The following ALK variants were observed in gnomAD, a reference collection of about 807,000 sequenced individuals.
ALK encodes ALK receptor tyrosine kinase.
Under a neutral mutation model 163.1 loss-of-function variants are expected in ALK, and 74 were observed. That is an observed-to-expected ratio of 0.45 (90% CI 0.38 to 0.55). ALK has a LOEUF of 0.55. Among genes scored for constraint, ALK ranks in the 20% least tolerant of loss-of-function variants. The pLI is 0.00. For missense variants in ALK, 2,063 were observed against 2,105.3 expected (o/e 0.98, Z 0.39); for synonymous variants, 960 against 843.2 (o/e 1.14, Z -2.40).
At chr2:29,873,833 G>A (rs1666637082) in intron 1 of ALK, among the ~76,000 whole-genome samples, 1 of 151,604 alleles carries the variant, frequency 6.6e-6, no homozygotes, top group Non-Finnish European at 1.5e-5. Flanking sequence ...TGACTGGGTA[G>A]CAATAACCGC....
intron 1 of ALK, among the ~76,000 whole-genome samples, chr2:29,900,997 GCA>G (rs1364827853): frequency 1.6e-4 from 20 of 121,526 alleles, no homozygotes; most frequent in Non-Finnish European, 2.6e-4. Context: ...GAGAGAGAGA[GCA>G]AGCAAGCAAG....
At chr2:29,851,681 C>A (rs1406036674) in intron 1 of ALK, among the ~76,000 whole-genome samples, 12 of 152,186 alleles carry the variant, frequency 7.9e-5, no homozygotes, top group Admixed American at 7.9e-4. Context: ...CTTTAAGGAC[C>A]ACTGTCTAGA....
chr2:29,396,407 G>A (rs1669304208), intron 4 of ALK, among the ~76,000 whole-genome samples: 1 of 152,172 alleles, frequency 6.6e-6, no homozygotes, highest in Non-Finnish European at 1.5e-5. Flanking sequence ...CGGGTGCAGT[G>A]GCTCATGCCT....
intron 14 of ALK, among the ~76,000 whole-genome samples, 171 bp from the exon 15 acceptor site, chr2:29,232,619 A>T (rs1664247085): frequency 6.6e-6 from 1 of 152,240 alleles, no homozygotes; most frequent in Non-Finnish European, 1.5e-5. Flanking sequence ...ACAATAGCCC[A>T]TCGGCTCCGC....
intron 1 of ALK, among the ~76,000 whole-genome samples, chr2:29,834,054 T>A (rs968358004): frequency 6.6e-6 from 1 of 152,182 alleles, no homozygotes; most frequent in African/African-American, 2.4e-5. Context: ...CGAAAGCACT[T>A]TGTAAACTGC....
Position 29,610,025 on chromosome 2 carries a change from C to T in ALK, c.953-77909G>A, listed in dbSNP as rs1029588009. ...TCCACACATTGGCCCTGGTTTTGTC[C>T]TTGACACCTATTTTGAGTAAATCTC... On this transcript the variant is annotated intron_variant, in intron 3 of 28. Transcript: ENST00000389048. 2.6e-5 allele frequency among the ~76,000 whole-genome samples: 4 copies of T among 152,174 alleles called. No individual in the cohort carries two copies. The South Asian group carries it at 6.2e-4, about 24-fold the overall frequency.
chr2:29,295,239 T>C (rs1666140411), intron 9 of ALK, among the ~76,000 whole-genome samples: 1 of 152,152 alleles, frequency 6.6e-6, no homozygotes, highest in Non-Finnish European at 1.5e-5. Flanking sequence ...CTCCTTCAAA[T>C]GAAACTCTAG....
At chr2:29,675,853 T>C (rs556344899) in intron 3 of ALK, among the ~76,000 whole-genome samples, 37 of 152,144 alleles carry the variant, frequency 2.4e-4, no homozygotes, top group African/African-American at 8.7e-4. Context: ...GTTTAATTCT[T>C]ATTAAATCCC....
intron 1 of ALK, among the ~76,000 whole-genome samples, chr2:29,738,537 A>G (rs1296808942): frequency 6.6e-6 from 1 of 152,110 alleles, no homozygotes; most frequent in East Asian, 1.9e-4. Flanking sequence ...ATCTCTGGTC[A>G]TATTTAGAGA....
At chr2:29,888,507 G>A (rs1224029240) in intron 1 of ALK, among the ~76,000 whole-genome samples, 1 of 152,136 alleles carries the variant, frequency 6.6e-6, no homozygotes, top group Admixed American at 6.5e-5. Context: ...ATTTTGCCCT[G>A]TGTAGAATTT....
intron 3 of ALK, among the ~76,000 whole-genome samples, chr2:29,568,985 A>G (rs578063969): frequency 6.6e-6 from 1 of 151,866 alleles, no homozygotes. Flanking sequence ...AGGGCGGGGG[A>G]TGAGTCTTTC....
intron 1 of ALK, among the ~76,000 whole-genome samples, chr2:29,819,268 T>C (rs570217818): frequency 8.1e-4 from 123 of 152,366 alleles, no homozygotes; most frequent in African/African-American, 2.9e-3. Context: ...TCCAGGGCTA[T>C]GTGTAAAGCA....
At chr2:29,539,055 C>CG (rs398104146) in intron 3 of ALK, among the ~76,000 whole-genome samples, 69 of 151,648 alleles carry the variant, frequency 4.6e-4, no homozygotes, top group African/African-American at 1.6e-3. Flanking sequence ...CCACACCCCC[C>CG]TCCCAAATCA....
intron 4 of ALK, among the ~76,000 whole-genome samples, chr2:29,442,367 A>G (rs1393259901): frequency 1.3e-5 from 2 of 152,136 alleles, no homozygotes; most frequent in Non-Finnish European, 2.9e-5. Context: ...AAGTTTGCCT[A>G]TAAACATGGA....
intron 1 of ALK, among the ~76,000 whole-genome samples, chr2:29,869,135 C>T (rs1464842209): frequency 6.6e-6 from 1 of 152,134 alleles, no homozygotes; most frequent in African/African-American, 2.4e-5. Context: ...TCACTGTACC[C>T]TTTTCAAATT....
At chr2:29,203,485 C>CTTTTTTTTTTTTTTT in intron 26 of ALK, among the ~76,000 whole-genome samples, 500 of 32,550 alleles carry the variant, frequency 0.015, 225 homozygotes, top group Middle Eastern at 0.091. Flanking sequence ...GAGGATGTGC[C>CTTTTTTTTTTTTTTT]TTTTTTTTTT....
chr2:29,705,585 G>A (rs1678886042), intron 2 of ALK, among the ~76,000 whole-genome samples: 1 of 152,018 alleles, frequency 6.6e-6, no homozygotes, highest in Admixed American at 6.5e-5. Flanking sequence ...AGGCATTGCA[G>A]GGAGTAACTG....
At position 29,799,506 on chromosome 2, in the gene ALK, A is replaced by AAAACAAAC. The variant is rs143069404; in HGVS notation, c.668-81817_668-81810dup. ...ACACAGTGGGATCCTGTCTCAAAAC[A>AAAACAAAC]AAACAAACAAACAAACAAACAAACA... On this transcript the variant is annotated intron_variant, in intron 1 of 28. Coordinates refer to ENST00000389048, the MANE Select transcript of ALK (RefSeq NM_004304.5). 5.1e-4 allele frequency among the ~76,000 whole-genome samples: 77 copies of AAAACAAAC among 151,462 alleles called. 1 individual carries two copies. In the South Asian group the frequency reaches 6.1e-3, roughly 12 times the overall value.
intron 9 of ALK, among the ~76,000 whole-genome samples, chr2:29,276,626 C>T (rs959154628): frequency 1.4e-4 from 21 of 152,118 alleles, no homozygotes; most frequent in Admixed American, 1.1e-3. Flanking sequence ...ATGGTACAGC[C>T]ATATGATGGG....
Sources: gnomAD v4.1 joint callset for allele counts (sites outside exome capture counted in the v4.1 genomes callset) on GRCh38, gnomAD v4.1.1 for gene constraint, MANE v1.5 for transcripts, NCBI Gene and HGNC (gene_info 2026-07-23, HGNC 2026-07-21) for gene names.